Variants in ROBO1 observed in about 807,000 individuals in gnomAD.
The protein encoded by ROBO1 is roundabout guidance receptor 1.
A neutral mutation model predicts 195.9 loss-of-function variants in ROBO1; 149 were observed. That is an observed-to-expected ratio of 0.76 (90% CI 0.67 to 0.87). ROBO1 has a LOEUF of 0.87. Ranked by LOEUF, ROBO1 falls within the 40% of genes least tolerant of loss-of-function variation. The pLI, the probability that ROBO1 is intolerant of heterozygous loss-of-function variation, is 0.00. For synonymous variants in ROBO1, 816 were observed against 733.2 expected (o/e 1.11, Z -1.82); for missense variants, 1,933 against 2,068.3 (o/e 0.93, Z 1.27).
At chr3:79,344,099 C>G (rs1248029279) in intron 2 of ROBO1, among the ~76,000 whole-genome samples, 1 of 152,128 alleles carries the variant, frequency 6.6e-6, no homozygotes, top group African/African-American at 2.4e-5. Flanking sequence ...AATTCCCAAA[C>G]TGTTCATAGA....
intron 30 of ROBO1, 112 bp from the exon 31 acceptor site, chr3:78,599,039 C>T (rs754649387): frequency 1.2e-4 from 67 of 576,060 alleles, no homozygotes; most frequent in Admixed American, 2.0e-4. Context: ...TTCATTTATT[C>T]AATGGACTAT....
At chr3:79,090,583 T>C (rs2079460924) in intron 3 of ROBO1, among the ~76,000 whole-genome samples, 1 of 152,142 alleles carries the variant, frequency 6.6e-6, no homozygotes, top group Admixed American at 6.6e-5. Context: ...AGTTAAAAGT[T>C]TGGGCTTTGG....
intron 3 of ROBO1, among the ~76,000 whole-genome samples, chr3:79,060,563 C>A (rs948946557): frequency 6.6e-6 from 1 of 151,760 alleles, no homozygotes; most frequent in African/African-American, 2.4e-5. Flanking sequence ...AGAAAAGAAC[C>A]TAAGTTGAAA....
chr3:78,916,327 C>G (rs1285545567), intron 4 of ROBO1, among the ~76,000 whole-genome samples: 2 of 150,058 alleles, frequency 1.3e-5, no homozygotes, highest in African/African-American at 4.9e-5. Flanking sequence ...CCGAGGTGGG[C>G]GAACCACCTG....
At chr3:79,340,531 C>T (rs1357608808) in intron 2 of ROBO1, among the ~76,000 whole-genome samples, 1 of 152,078 alleles carries the variant, frequency 6.6e-6, no homozygotes, top group African/African-American at 2.4e-5. Flanking sequence ...CTGCCAGACC[C>T]CCATGAGTGG....
intron 2 of ROBO1, among the ~76,000 whole-genome samples, chr3:79,127,163 T>A (rs1469229878): frequency 1.3e-5 from 2 of 152,196 alleles, no homozygotes; most frequent in Admixed American, 6.6e-5. Context: ...CACTTTACCT[T>A]TCCGGCCCGT....
chr3:78,894,162 G>C (rs2037093179), intron 4 of ROBO1, among the ~76,000 whole-genome samples: 1 of 151,942 alleles, frequency 6.6e-6, no homozygotes, highest in Non-Finnish European at 1.5e-5. Context: ...AGATTAAAAA[G>C]GAACATAAAT....
intron 1 of ROBO1, among the ~76,000 whole-genome samples, chr3:79,765,869 C>T (rs1412680905): frequency 6.6e-6 from 1 of 152,136 alleles, no homozygotes; most frequent in African/African-American, 2.4e-5. Flanking sequence ...GGTTGACAAG[C>T]AACCTCCAAA....
chr3:78,955,009 A>G (rs1368721680), intron 3 of ROBO1, among the ~76,000 whole-genome samples: 1 of 149,270 alleles, frequency 6.7e-6, no homozygotes, highest in Non-Finnish European at 1.5e-5. Context: ...TTATATAGGT[A>G]AACTGTGTGT....
chr3:79,197,730 T>C (rs895890639), intron 2 of ROBO1, among the ~76,000 whole-genome samples: 15 of 152,148 alleles, frequency 9.9e-5, no homozygotes, highest in African/African-American at 3.6e-4. Flanking sequence ...TGATTGCCAC[T>C]GTAACTGGAG....
At chr3:79,410,788 G>A (rs2037736686) in intron 2 of ROBO1, among the ~76,000 whole-genome samples, 1 of 152,122 alleles carries the variant, frequency 6.6e-6, no homozygotes, top group Non-Finnish European at 1.5e-5. Context: ...CAGAGCAAGT[G>A]AAATCTCTGA....
intron 28 of ROBO1, among the ~76,000 whole-genome samples, chr3:78,610,381 G>C (rs1279597141): frequency 1.3e-5 from 2 of 152,090 alleles, no homozygotes; most frequent in Non-Finnish European, 2.9e-5. Flanking sequence ...CTAAAGCCAA[G>C]GGACCCAAGG....
At chr3:79,613,417 A>G (rs1458278059) in intron 1 of ROBO1, among the ~76,000 whole-genome samples, 1 of 152,110 alleles carries the variant, frequency 6.6e-6, no homozygotes, top group African/African-American at 2.4e-5. Context: ...CTAACAAGCC[A>G]ATAGTAGATA....
intron 1 of ROBO1, among the ~76,000 whole-genome samples, chr3:79,666,494 CGT>C (rs1463646912): frequency 1.3e-5 from 2 of 151,818 alleles, no homozygotes; most frequent in African/African-American, 4.8e-5. Context: ...ATAATTCCCA[CGT>C]GTTGTAGGAG....
chr3:79,761,189 T>C (rs1446386864), intron 1 of ROBO1, among the ~76,000 whole-genome samples: 1 of 148,910 alleles, frequency 6.7e-6, no homozygotes. Flanking sequence ...ATAGTATTTA[T>C]AGAACACTAT....
chr3:79,428,226 C>T (rs1005583782), intron 2 of ROBO1, among the ~76,000 whole-genome samples: 2 of 151,550 alleles, frequency 1.3e-5, no homozygotes, highest in Non-Finnish European at 2.9e-5. Flanking sequence ...TCAGAGATAC[C>T]AATAGAGGTA....
intron 1 of ROBO1, among the ~76,000 whole-genome samples, chr3:79,634,853 T>G (rs1345870370): frequency 1.3e-5 from 2 of 152,194 alleles, no homozygotes. Context: ...TTTTGTCTTC[T>G]GATAAGCGAA....
chr3:78,845,291 A>C (rs892386382), intron 4 of ROBO1, among the ~76,000 whole-genome samples: 2 of 151,780 alleles, frequency 1.3e-5, no homozygotes, highest in Admixed American at 6.6e-5. Flanking sequence ...AATATGAAAA[A>C]AGTGTAGATC....
intron 2 of ROBO1, among the ~76,000 whole-genome samples, chr3:79,161,827 C>T (rs2080972420): frequency 6.6e-6 from 1 of 152,064 alleles, no homozygotes; most frequent in South Asian, 2.1e-4. Flanking sequence ...CTATCCCTAG[C>T]TTGGTACCCA....
Sources: gnomAD v4.1 joint callset for allele counts (sites outside exome capture counted in the v4.1 genomes callset) on GRCh38, gnomAD v4.1.1 for gene constraint, MANE v1.5 for transcripts, NCBI Gene and HGNC (gene_info 2026-07-23, HGNC 2026-07-21) for gene names.